The following ABHD13 variants were observed in gnomAD, a reference collection of about 807,000 sequenced individuals.
ABHD13 encodes protein ABHD13.
In ABHD13, 7 loss-of-function variants were observed where a neutral mutation model predicts 25.2. The observed-to-expected ratio is 0.28, with a 90% confidence interval of 0.16 to 0.52. The LOEUF is 0.52. ABHD13 is among the 20% of genes least tolerant of loss of function. ABHD13 has a pLI of 0.96. For synonymous variants in ABHD13, 133 were observed against 136.1 expected, an observed-to-expected ratio of 0.98 and a Z score of 0.16; for missense variants, 302 against 402.7, an observed-to-expected ratio of 0.75 and a Z score of 2.14.
intron 1 of ABHD13, among the ~76,000 whole-genome samples, chr13:108,227,503 AT>A (rs1326529696): frequency 6.6e-6 from 1 of 152,100 alleles, no homozygotes; most frequent in African/African-American, 2.4e-5. Context: ...AACTATGTAA[AT>A]TGATATAAAT....
intron 1 of ABHD13, among the ~76,000 whole-genome samples, chr13:108,222,765 AC>A (rs1161444450): frequency 2.0e-5 from 3 of 152,236 alleles, no homozygotes; most frequent in Non-Finnish European, 4.4e-5. Context: ...TTCATTACAT[AC>A]TCACATAAAT....
In ABHD13 at chr13:108,230,149, C is replaced by G; in HGVS notation, c.931C>G (p.Leu311Val). ...TWQCQGYFTA[L>V]EQFIKEVVKS... ...GCAGTGCCAAGGCTATTTCACTGCA[C>G]TTGAACAGTTCATCAAAGAAGTCGT... is the stretch of plus-strand genomic sequence containing the variant. The change falls in exon 2 of 2, where the codon CTT becomes GTT. Residue 311 changes from leucine (L) to valine (V), a missense_variant. By Grantham distance (32) the Leu-to-Val change is conservative. Transcript: ENST00000375898. 1 of 1,612,782 alleles carries G rather than the reference C, an allele frequency of 6.2e-7. No individual in the cohort carries two copies. The highest frequency in any genetic ancestry group is 1.1e-5 in the South Asian group (1 of 91,028).
At chr13:108,227,107 ATTGT>A (rs1318208165) in intron 1 of ABHD13, among the ~76,000 whole-genome samples, 2 of 152,238 alleles carry the variant, frequency 1.3e-5, no homozygotes, top group East Asian at 3.9e-4. Context: ...TGAGATTATG[ATTGT>A]TTATCACAAA....
intron 1 of ABHD13, among the ~76,000 whole-genome samples, chr13:108,220,435 A>G (rs907948397): frequency 6.6e-6 from 1 of 152,202 alleles, no homozygotes; most frequent in Admixed American, 6.5e-5. Context: ...TCTCAGGGGA[A>G]TCTATTTCTG....
chr13:108,230,327 A>C lies in ABHD13; in HGVS notation c.*95A>C. On this transcript the variant is annotated 3_prime_UTR_variant, in exon 2 of 2. Transcript: ENST00000375898. The stretch of plus-strand genomic sequence containing the variant: ...GTGTGTTATGTCTGTACCTGTCTGA[A>C]GAGTGACATTAAACTTTGAAAGGAC... The C allele has an allele frequency of 9.1e-7, 1 of 1,101,076 alleles. No individual in the cohort carries two copies. The highest frequency in any genetic ancestry group is 1.3e-6 in the Non-Finnish European group (1 of 790,542). The allele number at this position is 1,101,076 out of a possible 1,614,324, so 68.2% of individuals were successfully genotyped here.
chr13:108,229,570 A>G lies in ABHD13; in HGVS notation c.352A>G (p.Ile118Val). 1.9e-6 allele frequency: 3 copies of G among 1,613,266 alleles called. No homozygotes were observed. Among genetic ancestry groups the G allele is most frequent in the East Asian group, 2.2e-5 (1 of 44,868 alleles). ...CAATTCACCCTATTCCCCAACTATA[A>G]TTTATTTTCATGGGAATGCAGGCAA... The part of the protein sequence containing the change: ...GDNSPYSPTI[I>V]YFHGNAGNIG... The change falls in exon 2 of 2, where the codon ATT becomes GTT. Residue 118 changes from isoleucine to valine, a missense_variant. Transcript: ENST00000375898. The surrounding 1 kb of genome is among the most constrained non-coding windows in gnomAD (Gnocchi z 4.7).
chr13:108,229,321 G>C lies in ABHD13; in HGVS notation c.103G>C (p.Val35Leu). The change falls in exon 2 of 2, where the codon GTG becomes CTG. Residue 35 changes from valine (V) to leucine (L), a missense_variant. By Grantham distance (32) the Val-to-Leu change is conservative. Coordinates refer to ENST00000375898, the MANE Select transcript of ABHD13 (RefSeq NM_032859.3). This position sits in a 1 kb window ranked among gnomAD's most constrained non-coding sequence, Gnocchi z 4.7. ...CCGTATTTCTCTTTTACCTTTAATA[G>C]TGACTTTTCATCTGTATGGAGGCAT... ...LCRISLLPLI[V>L]TFHLYGGIIL... The C allele has an allele frequency of 1.2e-6, 2 of 1,612,370 alleles. No individual in the cohort carries two copies. The highest frequency in any genetic ancestry group is 8.5e-7 in the Non-Finnish European group (1 of 1,179,088).
intron 1 of ABHD13, among the ~76,000 whole-genome samples, chr13:108,227,552 C>T (rs983113701): frequency 1.4e-4 from 21 of 151,808 alleles, no homozygotes; most frequent in African/African-American, 4.6e-4. Context: ...ATGCCTTATT[C>T]GTGTATTTGG....
At chr13:108,228,893 C>T (rs754045174) in intron 1 of ABHD13, among the ~76,000 whole-genome samples, 4 of 151,548 alleles carry the variant, frequency 2.6e-5, no homozygotes, top group African/African-American at 4.8e-5. Flanking sequence ...ATGACACTAT[C>T]GCATCAACTT....
chr13:108,225,313 T>C (rs988953895), intron 1 of ABHD13, among the ~76,000 whole-genome samples: 1 of 152,086 alleles, frequency 6.6e-6, no homozygotes. Context: ...GACTTGTAGA[T>C]TGGGAATAAT....
rs757041914 is a variant in ABHD13 at position 108,229,794 on chromosome 13, T to A, written c.576T>A (p.Arg192=). The change falls in exon 2 of 2, where the codon CGT becomes CGA. Residue 192 remains arginine (R), a synonymous_variant. Coordinates refer to ENST00000375898, the MANE Select transcript of ABHD13 (RefSeq NM_032859.3). The surrounding 1 kb of genome is among the most constrained non-coding windows in gnomAD (Gnocchi z 4.7). ...AAACAAAAATTTTTCTTTTTGGCCG[T>A]TCCTTGGGTGGAGCAGTGGCTATTC... is the stretch of plus-strand genomic sequence containing the variant. ...LDKTKIFLFG[R]SLGGAVAIHL... 53 of 1,613,332 alleles carry A rather than the reference T, an allele frequency of 3.3e-5. No homozygotes were observed. In the East Asian group the frequency reaches 1.2e-3, roughly 35 times the overall value.
chr13:108,230,067 C>T lies in ABHD13; in HGVS notation c.849C>T (p.Ser283=), dbSNP rs1333456881. 1.9e-6 allele frequency: 3 copies of T among 1,613,022 alleles called. No individual in the cohort carries two copies. The highest frequency in any genetic ancestry group is 1.3e-5 in the African/African-American group (1 of 74,820). Residue 283 remains serine (S), a synonymous_variant, in exon 2 of 2, where the codon TCC becomes TCT. Transcript: ENST00000375898. ...PVMMKQLYEL[S]PSRTKRLAIF... ...TGATGAAACAACTTTATGAACTCTC[C>T]CCATCTCGGACTAAGAGATTAGCCA...
rs1309517412 is a variant in ABHD13 at position 108,230,052 on chromosome 13, A to G, written c.834A>G (p.Gln278=). 5.0e-6 allele frequency: 8 copies of G among 1,613,042 alleles called. No homozygotes were observed. Among genetic ancestry groups the G allele is most frequent in the South Asian group, 2.2e-5 (2 of 91,074 alleles). Residue 278 remains glutamine (Q), a synonymous_variant, in exon 2 of 2, where the codon CAA becomes CAG. Coordinates refer to ENST00000375898, the MANE Select transcript of ABHD13 (RefSeq NM_032859.3). The stretch of plus-strand genomic sequence containing the variant: ...TAATTCCACCAGTAATGATGAAACA[A>G]CTTTATGAACTCTCCCCATCTCGGA... The part of the protein sequence containing the change: ...DQLIPPVMMK[Q]LYELSPSRTK...
chr13:108,223,912 T>C (rs1007088419), intron 1 of ABHD13, among the ~76,000 whole-genome samples: 2 of 152,220 alleles, frequency 1.3e-5, no homozygotes, highest in Admixed American at 1.3e-4. Flanking sequence ...ACTTGCAGTT[T>C]CTGTGAATAA....
rs1327612745 is a variant in ABHD13, at chr13:108,231,167, T to A, written c.*935T>A. 1 of 166,790 alleles carries A rather than the reference T, an allele frequency of 6.0e-6. No homozygotes were observed. Among genetic ancestry groups the A allele is most frequent in the Non-Finnish European group, 1.5e-5 (1 of 67,966 alleles). 10.3% of individuals were successfully genotyped at this position (166,790 alleles called of 1,614,324 possible). On this transcript the variant is annotated 3_prime_UTR_variant, in exon 2 of 2. Transcript: ENST00000375898. ...CATTGCAGGATTGTACATACTACTT[T>A]ATAAAAATTCTCACCTTTGATTTTA... is the stretch of plus-strand genomic sequence containing the variant.
At position 108,232,616 on chromosome 13, in the gene ABHD13, T is replaced by C. The variant is rs1179970918; in HGVS notation, c.*2384T>C. The C allele has an allele frequency of 6.0e-6, 1 of 166,830 alleles. No individual in the cohort carries two copies. Among genetic ancestry groups the C allele is most frequent in the Non-Finnish European group, 1.5e-5 (1 of 68,034 alleles). 10.3% of individuals were successfully genotyped at this position (166,830 alleles called of 1,614,324 possible). ...GTGGGAATGGAAGTATATGTATCTA[T>C]CTTGTGTATTAACTTCTGACTTATT... is the stretch of plus-strand genomic sequence containing the variant. On this transcript the variant is annotated 3_prime_UTR_variant, in exon 2 of 2. Coordinates refer to ENST00000375898, the MANE Select transcript of ABHD13 (RefSeq NM_032859.3).
In ABHD13 at chr13:108,230,198, T is replaced by G. The variant is rs746386990; in HGVS notation, c.980T>G (p.Met327Arg). 6.3e-7 allele frequency: 1 copy of G among 1,599,096 alleles called. No individual in the cohort carries two copies. Among genetic ancestry groups the G allele is most frequent in the Admixed American group, 1.8e-5 (1 of 56,810 alleles). The change falls in exon 2 of 2, where the codon ATG becomes AGG. Residue 327 changes from methionine to arginine, a missense_variant. Coordinates refer to ENST00000375898, the MANE Select transcript of ABHD13 (RefSeq NM_032859.3). ...GTAAAGAGCCATTCTCCTGAAGAAA[T>G]GGCAAAAACTTCATCTAATGTAACA... ...EVVKSHSPEE[M>R]AKTSSNVTII
At position 108,230,528 on chromosome 13, in the gene ABHD13, A is replaced by G. The variant is rs1402325595; in HGVS notation, c.*296A>G. The G allele has an allele frequency of 4.3e-6, 1 of 231,944 alleles. No homozygotes were observed. Among genetic ancestry groups the G allele is most frequent in the African/African-American group, 2.3e-5 (1 of 43,234 alleles). The allele number at this position is 231,944 out of a possible 1,614,324, so 14.4% of individuals were successfully genotyped here. A position where few individuals can be genotyped will look rare whatever the true frequency, so the allele number is the denominator to read the frequency against. ...AGTTTCTTGTTGCTAAAGTGGTGTAATCTGTTACACAGATGAATAGCTAGA... is the reference window on the plus strand; with the variant it reads ...AGTTTCTTGTTGCTAAAGTGGTGTAGTCTGTTACACAGATGAATAGCTAGA... On this transcript the variant is annotated 3_prime_UTR_variant, in exon 2 of 2. Transcript: ENST00000375898.
chr13:108,223,171 T>C (rs1375646431), intron 1 of ABHD13, among the ~76,000 whole-genome samples: 1 of 152,348 alleles, frequency 6.6e-6, no homozygotes, highest in East Asian at 1.9e-4. Context: ...TATGGAGTTA[T>C]GCAGATTTTT....
Sources: gnomAD v4.1 joint callset for allele counts (sites outside exome capture counted in the v4.1 genomes callset) on GRCh38, gnomAD v4.1.1 for gene constraint, Gnocchi (gnomAD v3.1) non-coding constraint, MANE v1.5 for transcripts, NCBI Gene and HGNC (gene_info 2026-07-23, HGNC 2026-07-21) for gene names.